Variants in ATP6V1B2 observed in about 807,000 individuals in gnomAD.
The protein encoded by ATP6V1B2 is V-type proton ATPase subunit B, brain isoform.
Under a neutral mutation model 66.7 loss-of-function variants are expected in ATP6V1B2, and 23 were observed. The ratio of observed to expected loss-of-function variants is 0.34; its 90% confidence interval spans 0.25 to 0.49. The LOEUF is 0.49. ATP6V1B2 is among the 20% of genes least tolerant of loss of function. ATP6V1B2 has a pLI of 0.99. For synonymous variants in ATP6V1B2, 278 were observed against 236.7 expected, an observed-to-expected ratio of 1.17 and a Z score of -1.60; for missense variants, 478 against 650.8, an observed-to-expected ratio of 0.73 and a Z score of 2.89.
At position 20,204,534 on chromosome 8, in the gene ATP6V1B2, G is replaced by A. The variant is rs774663114; in HGVS notation, c.187G>A (p.Val63Ile). The A allele has an allele frequency of 4.3e-6, 7 of 1,610,590 alleles. No individual in the cohort carries two copies. In the Admixed American group the frequency reaches 8.3e-5, roughly 19 times the overall value. The part of the protein sequence containing the change: ...VNGPLVILDH[V>I]KFPRYAEIVH... ...TGGTCCACTAGTGATCTTAGATCAT[G>A]TTAAGGTAATACCACTATCTGTTTT... The change falls in exon 2 of 14, where the codon GTT becomes ATT. Residue 63 changes from valine to isoleucine, a missense_variant. Physicochemically the swap from Val to Ile is conservative, Grantham distance 29. Around this residue, in one of 2 missense-constraint regions of ATP6V1B2, gnomAD observed 152 missense variants for 105.2 expected, o/e 1.44. Transcript: ENST00000276390.
At position 20,210,316 on chromosome 8, in the gene ATP6V1B2, A is replaced by C. The variant is rs755861962; in HGVS notation, c.292-30A>C. On this transcript the variant is annotated intron_variant, in intron 3 of 13. Coordinates refer to ENST00000276390, the MANE Select transcript of ATP6V1B2 (RefSeq NM_001693.4). ...AATGCCCGTGATCTAAATTACTTCTACCCTTCTCATTAATTCTTTTTCTTG... is the reference window on the plus strand; with the variant it reads ...AATGCCCGTGATCTAAATTACTTCTCCCCTTCTCATTAATTCTTTTTCTTG... 29 of 1,568,124 alleles carry C rather than the reference A, an allele frequency of 1.8e-5. No individual in the cohort carries two copies. The South Asian group carries it at 2.8e-4, about 15-fold the overall frequency.
At chr8:20,218,696 G>C (rs1371339893) in intron 13 of ATP6V1B2, among the ~76,000 whole-genome samples, 1 of 152,010 alleles carries the variant, frequency 6.6e-6, no homozygotes, top group Non-Finnish European at 1.5e-5. Context: ...TTAATTGTTA[G>C]TAATCCAAAA....
chr8:20,210,329 A>T lies in ATP6V1B2; in HGVS notation c.292-17A>T, dbSNP rs928499302. 6.3e-7 allele frequency: 1 copy of T among 1,597,478 alleles called. No homozygotes were observed. The highest frequency in any genetic ancestry group is 1.3e-5 in the African/African-American group (1 of 74,398). ...TAAATTACTTCTACCCTTCTCATTAATTCTTTTTCTTGATAGGTATTTGAA... is the reference window on the plus strand; with the variant it reads ...TAAATTACTTCTACCCTTCTCATTATTTCTTTTTCTTGATAGGTATTTGAA... On this transcript the variant is annotated splice_polypyrimidine_tract_variant and intron_variant, in intron 3 of 13. Transcript: ENST00000276390.
intron 1 of ATP6V1B2, 63 bp from the exon 2 acceptor site, chr8:20,204,421 A>G: frequency 2.1e-6 from 3 of 1,441,046 alleles, no homozygotes; most frequent in Non-Finnish European, 2.9e-6. Context: ...TGGTAATGCC[A>G]GAGAGCTAAT....
At chr8:20,212,269 G>A (rs1209746268) in intron 8 of ATP6V1B2, 70 bp downstream of exon 8, 6 of 1,401,050 alleles carry the variant, frequency 4.3e-6, no homozygotes, top group Admixed American at 1.8e-5. Flanking sequence ...GGTTGGGGAG[G>A]TAAAATGTGG....
Position 20,204,476 on chromosome 8 carries a change from C to T in ATP6V1B2, c.137-8C>T. The T allele has an allele frequency of 6.2e-7, 1 of 1,610,816 alleles. No individual in the cohort carries two copies. The highest frequency in any genetic ancestry group is 8.5e-7 in the Non-Finnish European group (1 of 1,177,644). On this transcript the variant is annotated splice_region_variant and splice_polypyrimidine_tract_variant and intron_variant, in intron 1 of 13. Transcript: ENST00000276390. ...GACTAAAACTGACTCTTCTGTATTT[C>T]TTTCCAGCATACAAGACAGTATCTG...
chr8:20,218,437 C>T (rs933335025), intron 13 of ATP6V1B2, among the ~76,000 whole-genome samples, 155 bp downstream of exon 13: 1 of 152,124 alleles, frequency 6.6e-6, no homozygotes, highest in Non-Finnish European at 1.5e-5. Flanking sequence ...CCTCTGGCTT[C>T]TCCTCTGCCT....
chr8:20,215,192 G>A (rs1348198371), intron 10 of ATP6V1B2: 1 of 419,432 alleles, frequency 2.4e-6, no homozygotes, highest in Non-Finnish European at 4.2e-6. Context: ...ACTTTATTAG[G>A]TACTATTGAG....
intron 9 of ATP6V1B2, chr8:20,213,237 A>G: frequency 3.7e-6 from 1 of 270,728 alleles, no homozygotes; most frequent in South Asian, 3.7e-5. Context: ...TTAATTTTTA[A>G]ACCTTTTTGT....
rs1286533467 is a variant in ATP6V1B2 at position 20,211,690 on chromosome 8, G to A, written c.642G>A (p.Lys214=). 2 of 1,612,830 alleles carry A rather than the reference G, an allele frequency of 1.2e-6. No homozygotes were observed. The highest frequency in any genetic ancestry group is 1.3e-5 in the African/African-American group (1 of 74,884). ...TCTGTCGCCAGGCTGGTTTGGTAAAGAAATCCAAAGATGTAGTAGACTACA... is the reference window on the plus strand; with the variant it reads ...TCTGTCGCCAGGCTGGTTTGGTAAAAAAATCCAAAGATGTAGTAGACTACA... ...AQICRQAGLV[K]KSKDVVDYSE... The change falls in exon 7 of 14, where the codon AAG becomes AAA. Residue 214 remains lysine (K), a synonymous_variant. Coordinates refer to ENST00000276390, the MANE Select transcript of ATP6V1B2 (RefSeq NM_001693.4).
rs2072896169 is a variant in ATP6V1B2 at position 20,220,394 on chromosome 8, A to G, written c.1528A>G (p.Lys510Glu). Reference protein sequence around the residue: ...LSEFYPRDSAKH With the variant: ...LSEFYPRDSAEH The stretch of plus-strand genomic sequence containing the variant: ...CGAATTTTACCCTCGAGACTCTGCA[A>G]AGCATTAGCTGCTGCTTCTGCATTG... The change falls in exon 14 of 14, where the codon AAG becomes GAG. Residue 510 changes from lysine to glutamate, a missense_variant. By Grantham distance (56) the Lys-to-Glu change is moderately conservative. Coordinates refer to ENST00000276390, the MANE Select transcript of ATP6V1B2 (RefSeq NM_001693.4). The G allele has an allele frequency of 3.2e-6, 5 of 1,573,840 alleles. No homozygotes were observed. Among genetic ancestry groups the G allele is most frequent in the Non-Finnish European group, 4.3e-6 (5 of 1,166,356 alleles).
chr8:20,204,100 T>G, intron 1 of ATP6V1B2: 1 of 431,846 alleles, frequency 2.3e-6, no homozygotes, highest in Non-Finnish European at 4.6e-6. Context: ...ACTATTCCCC[T>G]GTTTCTGCTG....
chr8:20,212,836 G>C lies in ATP6V1B2; in HGVS notation c.858G>C (p.Ala286=), dbSNP rs149175265. 6.2e-7 allele frequency: 1 copy of C among 1,613,706 alleles called. No homozygotes were observed. Reference sequence around the variant, plus strand: ...CTCTAACCACAGCTGAATTTCTGGCGTACCAATGTGAGAAACATGTATTGG... The same window carrying C: ...CTCTAACCACAGCTGAATTTCTGGCCTACCAATGTGAGAAACATGTATTGG... The part of the protein sequence containing the change: ...RLALTTAEFL[A]YQCEKHVLVI... Residue 286 remains alanine, a synonymous_variant, in exon 9 of 14, where the codon GCG becomes GCC. Transcript: ENST00000276390.
At position 20,197,401 on chromosome 8, in the gene ATP6V1B2, G is replaced by A. The variant is rs776402221; in HGVS notation, c.-6G>A. 15 of 1,535,284 alleles carry A rather than the reference G, an allele frequency of 9.8e-6. No homozygotes were observed. The highest frequency in any genetic ancestry group is 1.2e-5 in the Non-Finnish European group (14 of 1,142,280). On this transcript the variant is annotated 5_prime_UTR_variant, in exon 1 of 14. Transcript: ENST00000276390. ...CTGCTGGGCCAGTCGGGACAGAGGAGACAAGATGGCGCTGCGGGCGATGCG... is the reference window on the plus strand; with the variant it reads ...CTGCTGGGCCAGTCGGGACAGAGGAAACAAGATGGCGCTGCGGGCGATGCG...
chr8:20,200,191 T>TAA (rs950300401), intron 1 of ATP6V1B2, among the ~76,000 whole-genome samples: 7 of 151,316 alleles, frequency 4.6e-5, no homozygotes, highest in Non-Finnish European at 1.0e-4. Flanking sequence ...TTTTATTTTT[T>TAA]ATTTTTGGTA....
At chr8:20,216,351 G>A (rs2072854413) in intron 10 of ATP6V1B2, 62 bp from the exon 11 acceptor site, 4 of 1,470,212 alleles carry the variant, frequency 2.7e-6, no homozygotes, top group East Asian at 2.3e-5. Flanking sequence ...CTGAGAGATG[G>A]CCGCTTTAAA....
chr8:20,214,799 C>G lies in ATP6V1B2; in HGVS notation c.928-19C>G. On this transcript the variant is annotated intron_variant, in intron 9 of 13. Transcript: ENST00000276390. ...TTGTAATATCGTGCATGATACTCTT[C>G]TGCTTGACCTGCTGTCAGGTTTCAG... is the stretch of plus-strand genomic sequence containing the variant. 6.2e-7 allele frequency: 1 copy of G among 1,603,130 alleles called. No homozygotes were observed. Among genetic ancestry groups the G allele is most frequent in the Non-Finnish European group, 8.5e-7 (1 of 1,174,282 alleles).
At position 20,210,412 on chromosome 8, in the gene ATP6V1B2, C is replaced by T. The variant is rs748641098; in HGVS notation, c.358C>T (p.Arg120Ter). ...CTGTGAGTTTACTGGGGATATTCTC[C>T]GAACACCGGTGTCTGAGGATATGCT... ...TSCEFTGDIL[R>*]TPVSEDMLGR... is the part of the protein sequence containing the mutation. Residue 120 changes from arginine (R) to a stop codon, truncating the protein, a stop_gained, in exon 4 of 14, where the codon CGA (arginine) becomes TGA (stop). Transcript: ENST00000276390. LOFTEE classifies it high-confidence loss of function. 2.5e-6 allele frequency: 4 copies of T among 1,613,460 alleles called. No individual in the cohort carries two copies. The highest frequency in any genetic ancestry group is 1.7e-5 in the Admixed American group (1 of 59,974).
chr8:20,209,551 C>A lies in ATP6V1B2; in HGVS notation c.291+20C>A. The A allele has an allele frequency of 6.2e-7, 1 of 1,603,328 alleles. No individual in the cohort carries two copies. The highest frequency in any genetic ancestry group is 8.5e-7 in the Non-Finnish European group (1 of 1,170,326). On this transcript the variant is annotated intron_variant, in intron 3 of 13. Coordinates refer to ENST00000276390, the MANE Select transcript of ATP6V1B2 (RefSeq NM_001693.4). ...GTTCAGGTAAGTTTCAGCTGGCCAGCTGAACTGTTTCCTAGTTGCCTACAC... is the reference window on the plus strand; with the variant it reads ...GTTCAGGTAAGTTTCAGCTGGCCAGATGAACTGTTTCCTAGTTGCCTACAC...
Sources: gnomAD v4.1 joint callset for allele counts (sites outside exome capture counted in the v4.1 genomes callset) on GRCh38, gnomAD v4.1.1 for gene constraint, gnomAD v4.1.1 regional missense constraint, MANE v1.5 for transcripts, NCBI Gene and HGNC (gene_info 2026-07-23, HGNC 2026-07-21) for gene names.